The following HSD11B1L variants were observed in gnomAD, a reference collection of about 807,000 sequenced individuals.
HSD11B1L encodes the protein hydroxysteroid 11-beta dehydrogenase 1 like.
Under a neutral mutation model 27.0 loss-of-function variants are expected in HSD11B1L, and 22 were observed. The observed-to-expected ratio is 0.81, with a 90% CI of 0.58 to 1.16. The LOEUF is 1.16. Among genes scored for constraint, HSD11B1L ranks in the 50% most tolerant of loss-of-function variants. The probability of loss-of-function intolerance (pLI) is 0.00; values close to 1 mark genes in which losing one functional copy is unlikely to be tolerated. For synonymous variants in HSD11B1L, 187 were observed against 189.2 expected (o/e 0.99, Z 0.09); for missense variants, 372 against 401.8 (o/e 0.93, Z 0.63).
Position 5,687,200 on chromosome 19 carries a change from CCTGGCCCCGCCCTCTGGGTTT to C in HSD11B1L, c.409-68_409-48del, listed in dbSNP as rs566203507. On this transcript the variant is annotated intron_variant, in intron 5 of 7. Coordinates refer to ENST00000339423, the MANE Select transcript of HSD11B1L (RefSeq NM_198706.3). The surrounding 1 kb of genome is among the most constrained non-coding windows in gnomAD (Gnocchi z 6.6). Reference sequence around the variant, plus strand: ...TTTCTGGCCCCGTCTCTGACCCGGCCCTGGCCCCGCCCTCTGGGTTTCTGGCCCCGCCCTGCCCCTGGGCTC... The same window carrying C: ...TTTCTGGCCCCGTCTCTGACCCGGCCCTGGCCCCGCCCTGCCCCTGGGCTC... 3.3e-3 allele frequency: 4,897 copies of C among 1,477,038 alleles called. 122 individuals carry two copies. In the African/African-American group the frequency reaches 0.058, roughly 18 times the overall value. 91.5% of individuals were successfully genotyped at this position (1,477,038 alleles called of 1,614,324 possible).
rs752423341 is a variant in HSD11B1L, at chr19:5,688,103, C to T, written c.*158C>T. On this transcript the variant is annotated 3_prime_UTR_variant, in exon 8 of 8. Transcript: ENST00000339423. ...CAAAACCGAGAAAAACGACGGGCAC[C>T]TGGAACCAGTCACGGCTTGGGAGGT... 1.2e-5 allele frequency: 18 copies of T among 1,551,414 alleles called. No homozygotes were observed. The Admixed American group carries it at 2.0e-4, about 17-fold the overall frequency.
In HSD11B1L at chr19:5,686,424, G is replaced by C. The variant is rs746744557; in HGVS notation, c.213G>C (p.Gly71=). Residue 71 remains glycine, a synonymous_variant, in exon 4 of 8, where the codon GGG becomes GGC. Coordinates refer to ENST00000339423, the MANE Select transcript of HSD11B1L (RefSeq NM_198706.3). ...HTEALLQKVV[G]NCRKLGAPKV... Reference sequence around the variant, plus strand: ...GCTCTGGCCCCCCCCAGGTGGTAGGGAACTGCCGGAAGCTGGGCGCCCCCA... The same window carrying C: ...GCTCTGGCCCCCCCCAGGTGGTAGGCAACTGCCGGAAGCTGGGCGCCCCCA... 7.0e-6 allele frequency: 11 copies of C among 1,572,742 alleles called. No individual in the cohort carries two copies. In the African/African-American group the frequency reaches 1.1e-4, roughly 15 times the overall value.
At position 5,684,738 on chromosome 19, in the gene HSD11B1L, G is replaced by A. The variant is rs1265950598; in HGVS notation, c.-14-81G>A. ...TAGGAAGGCGTGGATCCAAGGCGGT[G>A]GCATCACCAAACACCCACCAAACAC... On this transcript the variant is annotated intron_variant, in intron 1 of 7. Transcript: ENST00000339423. The A allele has an allele frequency of 1.9e-6, 3 of 1,599,170 alleles. No homozygotes were observed. The Admixed American group carries it at 5.1e-5, about 27-fold the overall frequency.
Position 5,687,936 on chromosome 19 carries a change from G to T in HSD11B1L, c.852G>T (p.Ala284=). The T allele has an allele frequency of 6.4e-7, 1 of 1,562,006 alleles. No homozygotes were observed. ...FIRQELNVTA[A]AA is the part of the protein sequence containing the mutation. ...GCCAGGAGCTCAACGTCACGGCCGCGGCAGCCTGAGCACCGGGGGGTGCCC... is the reference window on the plus strand; with the variant it reads ...GCCAGGAGCTCAACGTCACGGCCGCTGCAGCCTGAGCACCGGGGGGTGCCC... The change falls in exon 8 of 8, where the codon GCG becomes GCT. Residue 284 remains alanine, a synonymous_variant. Coordinates refer to ENST00000339423, the MANE Select transcript of HSD11B1L (RefSeq NM_198706.3). The surrounding 1 kb of genome is among the most constrained non-coding windows in gnomAD (Gnocchi z 6.6).
chr19:5,684,795 C>T lies in HSD11B1L; in HGVS notation c.-14-24C>T, dbSNP rs759775326. 20 of 1,613,284 alleles carry T rather than the reference C, an allele frequency of 1.2e-5. No individual in the cohort carries two copies. In the African/African-American group the frequency reaches 2.0e-4, roughly 16 times the overall value. ...CTGTGGGCCAGGCCTGTGCCGGCCA[C>T]CTCTGTCCCCTGTCCCTCTGCAGGC... On this transcript the variant is annotated intron_variant, in intron 1 of 7. Coordinates refer to ENST00000339423, the MANE Select transcript of HSD11B1L (RefSeq NM_198706.3).
chr19:5,687,466 G>A lies in HSD11B1L; in HGVS notation c.503-37G>A. ...GGGTCTGGGCAGGCTTCCCGGACGA[G>A]GGGGAGCCACTCAGCCGCTGCCGTC... On this transcript the variant is annotated intron_variant, in intron 6 of 7. Coordinates refer to ENST00000339423, the MANE Select transcript of HSD11B1L (RefSeq NM_198706.3). This position sits in a 1 kb window ranked among gnomAD's most constrained non-coding sequence, Gnocchi z 6.6. 3 of 1,588,792 alleles carry A rather than the reference G, an allele frequency of 1.9e-6. No individual in the cohort carries two copies. The highest frequency in any genetic ancestry group is 2.6e-6 in the Non-Finnish European group (3 of 1,172,422).
chr19:5,685,774 C>T lies in HSD11B1L; in HGVS notation c.205-642C>T, dbSNP rs1348589641. On this transcript the variant is annotated intron_variant, in intron 3 of 7. Transcript: ENST00000339423. The surrounding 1 kb of genome is among the most constrained non-coding windows in gnomAD (Gnocchi z 4.3). Reference sequence around the variant, plus strand: ...AAAAAAAAATTAGGGCATGGTGGCGCGAGCATGTAGTCCCAGCTACATGGG... The same window carrying T: ...AAAAAAAAATTAGGGCATGGTGGCGTGAGCATGTAGTCCCAGCTACATGGG... Among the ~76,000 whole-genome samples, 1 of 150,700 alleles carries T rather than the reference C, an allele frequency of 6.6e-6. No individual in the cohort carries two copies. Among genetic ancestry groups the T allele is most frequent in the Non-Finnish European group, 1.5e-5 (1 of 67,768 alleles).
chr19:5,681,491 A>G (rs1421325168), intron 1 of HSD11B1L, among the ~76,000 whole-genome samples: 2 of 150,748 alleles, frequency 1.3e-5, no homozygotes, highest in African/African-American at 2.4e-5. Context: ...CTATCCTTCC[A>G]TCTATCCATC....
intron 4 of HSD11B1L, 126 bp from the exon 5 acceptor site, chr19:5,686,774 C>T: frequency 1.3e-6 from 1 of 795,934 alleles, no homozygotes; most frequent in Non-Finnish European, 2.0e-6. Flanking sequence ...TGTCTTTGAT[C>T]GTAGTGGGAG....
rs764265489 is a variant in HSD11B1L, at chr19:5,687,496, CCCCCAGGCCGCGT to C, written c.503-6_509del. 4.2e-5 allele frequency: 67 copies of C among 1,589,952 alleles called. No homozygotes were observed. Among genetic ancestry groups the C allele is most frequent in the Non-Finnish European group, 5.1e-6 (6 of 1,173,010 alleles). On this transcript the variant is annotated splice_acceptor_variant and splice_polypyrimidine_tract_variant and coding_sequence_variant and intron_variant, in exon 7 of 8. Transcript: ENST00000339423. LOFTEE classifies it high-confidence loss of function. The surrounding 1 kb of genome is among the most constrained non-coding windows in gnomAD (Gnocchi z 6.6). ...AGCCACTCAGCCGCTGCCGTCCGCG[CCCCCAGGCCGCGT>C]GCCCACGTCGTTCTCCACTCCCTAC...
chr19:5,686,794 G>A (rs950411552), intron 4 of HSD11B1L, 106 bp from the exon 5 acceptor site: 13 of 938,420 alleles, frequency 1.4e-5, no homozygotes, highest in Non-Finnish European at 1.9e-5. Context: ...GTTACCTGGG[G>A]CGGAGCTCGC....
In HSD11B1L at chr19:5,685,166, G is replaced by A. The variant is rs1219047845; in HGVS notation, c.204+47G>A. 9.1e-6 allele frequency: 14 copies of A among 1,536,556 alleles called. No individual in the cohort carries two copies. Among genetic ancestry groups the A allele is most frequent in the South Asian group, 3.6e-5 (3 of 84,030 alleles). On this transcript the variant is annotated intron_variant, in intron 3 of 7. Transcript: ENST00000339423. The surrounding 1 kb of genome is among the most constrained non-coding windows in gnomAD (Gnocchi z 4.3). ...TGAATGGTGGGGGTGCTCATGGGGG[G>A]TGGGAAGAGAGCCTGGGTTTAATCC...
chr19:5,687,226 C>CAG lies in HSD11B1L; in HGVS notation c.409-56_409-55insAG, dbSNP rs2054721478. On this transcript the variant is annotated intron_variant, in intron 5 of 7. Coordinates refer to ENST00000339423, the MANE Select transcript of HSD11B1L (RefSeq NM_198706.3). This position sits in a 1 kb window ranked among gnomAD's most constrained non-coding sequence, Gnocchi z 6.6. ...CTGGCCCCGCCCTCTGGGTTTCTGG[C>CAG]CCCGCCCTGCCCCTGGGCTCCGCCT... 8 of 1,576,678 alleles carry CAG rather than the reference C, an allele frequency of 5.1e-6. No homozygotes were observed. Among genetic ancestry groups the CAG allele is most frequent in the Non-Finnish European group, 6.9e-6 (8 of 1,155,604 alleles).
At position 5,688,421 on chromosome 19, in the gene HSD11B1L, G is replaced by A. The variant is rs962021601; in HGVS notation, c.*476G>A. 8.9e-6 allele frequency: 5 copies of A among 564,394 alleles called. No individual in the cohort carries two copies. Among genetic ancestry groups the A allele is most frequent in the African/African-American group, 3.8e-5 (2 of 53,050 alleles). The allele number at this position is 564,394 out of a possible 1,614,324, so 35.0% of individuals were successfully genotyped here. On this transcript the variant is annotated 3_prime_UTR_variant, in exon 8 of 8. Coordinates refer to ENST00000339423, the MANE Select transcript of HSD11B1L (RefSeq NM_198706.3). ...ACCTGCAGGGGCGTCTACACTGTTC[G>A]TCTACCTGGTGGCAGGGTCTGAGCG...
intron 3 of HSD11B1L, among the ~76,000 whole-genome samples, chr19:5,686,036 G>A (rs2054681271): frequency 6.6e-6 from 1 of 152,158 alleles, no homozygotes; most frequent in South Asian, 2.1e-4. Context: ...CTGATAGCCA[G>A]GGTTCTTAAA....
At position 5,688,024 on chromosome 19, in the gene HSD11B1L, G is replaced by T. The variant is rs373687274; in HGVS notation, c.*79G>T. The T allele has an allele frequency of 1.6e-4, 243 of 1,551,416 alleles. 1 individual carries two copies. The African/African-American group carries it at 3.0e-3, about 19-fold the overall frequency. On this transcript the variant is annotated 3_prime_UTR_variant, in exon 8 of 8. Coordinates refer to ENST00000339423, the MANE Select transcript of HSD11B1L (RefSeq NM_198706.3). ...TCCCTGGAGCCAGAACACTCACAGAGACACCCCTGAGAGGGTGGCCACAGC... is the reference window on the plus strand; with the variant it reads ...TCCCTGGAGCCAGAACACTCACAGATACACCCCTGAGAGGGTGGCCACAGC...
chr19:5,686,402 C>G lies in HSD11B1L; in HGVS notation c.205-14C>G, dbSNP rs1207930065. ...GTAGAGGAGAGGCCCACGGGCAGCT[C>G]TGGCCCCCCCCAGGTGGTAGGGAAC... On this transcript the variant is annotated splice_polypyrimidine_tract_variant and intron_variant, in intron 3 of 7. Transcript: ENST00000339423. The G allele has an allele frequency of 2.6e-6, 4 of 1,542,564 alleles. No homozygotes were observed. The South Asian group carries it at 4.8e-5, about 19-fold the overall frequency.
At chr19:5,683,765 C>T (rs2054615378) in intron 1 of HSD11B1L, among the ~76,000 whole-genome samples, 1 of 152,038 alleles carries the variant, frequency 6.6e-6, no homozygotes, top group South Asian at 2.1e-4. Context: ...GCTGGTGCGC[C>T]CACCTGTAGT....
Position 5,688,172 on chromosome 19 carries a change from C to T in HSD11B1L, c.*227C>T. The T allele has an allele frequency of 2.6e-6, 4 of 1,550,112 alleles. No homozygotes were observed. The highest frequency in any genetic ancestry group is 3.5e-6 in the Non-Finnish European group (4 of 1,146,824). ...GCGCCTTTGTCGGGGACTTGCAAGG[C>T]CTCACCTGTTTGGCCATGATTGATG... On this transcript the variant is annotated 3_prime_UTR_variant, in exon 8 of 8. Transcript: ENST00000339423.
Sources: allele counts gnomAD v4.1 joint callset (sites outside exome capture counted in the v4.1 genomes callset), GRCh38; gene constraint gnomAD v4.1.1; non-coding constraint Gnocchi (gnomAD v3.1); transcripts MANE v1.5; gene names NCBI Gene and HGNC (gene_info 2026-07-23, HGNC 2026-07-21).